Variants in KCNIP4 observed in about 807,000 individuals in gnomAD.
KCNIP4 encodes the protein potassium voltage-gated channel interacting protein 4.
KCNIP4 carries 12 observed loss-of-function variants against 34.0 expected under a neutral mutation model. The ratio of observed to expected loss-of-function variants is 0.35; its 90% CI spans 0.23 to 0.57. KCNIP4 has a LOEUF of 0.57. KCNIP4 is among the 20% of genes least tolerant of loss of function. KCNIP4 has a pLI of 0.83. For missense variants in KCNIP4, 238 were observed against 311.7 expected, an observed-to-expected ratio of 0.76 and a Z score of 1.78; for synonymous variants, 124 against 102.2, an observed-to-expected ratio of 1.21 and a Z score of -1.29.
intron 1 of KCNIP4, among the ~76,000 whole-genome samples, chr4:20,964,492 C>T (rs1734149263): frequency 1.3e-5 from 2 of 152,316 alleles, no homozygotes; most frequent in South Asian, 4.1e-4. Flanking sequence ...TGCACTTCAG[C>T]CTGAAGCTCA....
At chr4:21,706,629 T>G (rs184509732) in intron 1 of KCNIP4, among the ~76,000 whole-genome samples, 1 of 152,234 alleles carries the variant, frequency 6.6e-6, no homozygotes, top group Admixed American at 6.5e-5. Context: ...TGTGACTGAT[T>G]GATTAAGGGA....
chr4:21,228,239 A>G (rs1199754308), intron 1 of KCNIP4, among the ~76,000 whole-genome samples: 1 of 152,120 alleles, frequency 6.6e-6, no homozygotes, highest in African/African-American at 2.4e-5. Context: ...TGTTCTCATG[A>G]TAGTGAGTGA....
chr4:20,820,519 C>A (rs1021632024), intron 3 of KCNIP4, among the ~76,000 whole-genome samples: 4 of 152,134 alleles, frequency 2.6e-5, no homozygotes, highest in Admixed American at 1.3e-4. Context: ...GGAAAATTCC[C>A]AGCCTGGCCA....
In KCNIP4 at chr4:21,234,452, T is replaced by C. The variant is rs1405746052; in HGVS notation, c.62-351743A>G. Among the ~76,000 whole-genome samples, 28 of 130,598 alleles carry C rather than the reference T, an allele frequency of 2.1e-4. 4 individuals are homozygous for C. The highest frequency in any genetic ancestry group is 2.5e-4 in the African/African-American group (8 of 32,494). 85.7% of individuals were successfully genotyped at this position (130,598 alleles called of 152,430 possible). A position where few individuals can be genotyped will look rare whatever the true frequency, so the allele number is the denominator to read the frequency against. The stretch of plus-strand genomic sequence containing the variant: ...TACATATAACGTATATAATATATAT[T>C]ACATATAACGTATATAATATATAGT... On this transcript the variant is annotated intron_variant, in intron 1 of 8. Coordinates refer to ENST00000382152, the MANE Select transcript of KCNIP4 (RefSeq NM_025221.6).
intron 1 of KCNIP4, among the ~76,000 whole-genome samples, chr4:21,074,004 A>C (rs1167341434): frequency 6.6e-6 from 1 of 152,162 alleles, no homozygotes; most frequent in Non-Finnish European, 1.5e-5. Context: ...ATCATGGTGG[A>C]TAAGCTTTTT....
chr4:20,883,824 G>A (rs902466434), intron 1 of KCNIP4, among the ~76,000 whole-genome samples: 5 of 152,158 alleles, frequency 3.3e-5, no homozygotes, highest in African/African-American at 1.2e-4. Flanking sequence ...TGTAGAGTAG[G>A]ATGACAAAAT....
At chr4:21,143,375 C>T (rs1002049492) in intron 1 of KCNIP4, among the ~76,000 whole-genome samples, 6 of 152,046 alleles carry the variant, frequency 3.9e-5, no homozygotes, top group Non-Finnish European at 7.4e-5. Context: ...GGAGAGTGAC[C>T]ATTGACCAAT....
intron 1 of KCNIP4, among the ~76,000 whole-genome samples, chr4:21,320,637 GCCTGGCCCCAGTCTAGGT>G (rs1714275851): frequency 6.6e-6 from 1 of 152,102 alleles, no homozygotes; most frequent in African/African-American, 2.4e-5. Context: ...AGCTTTGCTT[GCCTGGCCCCAGTCTAGGT>G]CCTGTACATG....
intron 1 of KCNIP4, among the ~76,000 whole-genome samples, chr4:21,407,261 C>T (rs958100390): frequency 6.6e-6 from 1 of 151,864 alleles, no homozygotes; most frequent in Non-Finnish European, 1.5e-5. Flanking sequence ...GGCAGGCTCA[C>T]CTCATTCAAA....
chr4:20,825,962 C>T (rs1396577910), intron 3 of KCNIP4, among the ~76,000 whole-genome samples: 4 of 150,912 alleles, frequency 2.7e-5, no homozygotes, highest in African/African-American at 7.3e-5. Flanking sequence ...TAGATAAATA[C>T]TAAAAAGTTT....
chr4:21,328,072 C>T (rs1028894221), intron 1 of KCNIP4, among the ~76,000 whole-genome samples: 3 of 151,670 alleles, frequency 2.0e-5, no homozygotes, highest in Non-Finnish European at 4.4e-5. Flanking sequence ...TTATTTAGTT[C>T]GTTTAGTGAA....
At chr4:21,603,858 T>C (rs953091737) in intron 1 of KCNIP4, among the ~76,000 whole-genome samples, 1 of 152,192 alleles carries the variant, frequency 6.6e-6, no homozygotes, top group Non-Finnish European at 1.5e-5. Context: ...GATTTGCACA[T>C]TTAGGCAATT....
chr4:21,516,326 T>C (rs1350804615), intron 1 of KCNIP4, among the ~76,000 whole-genome samples: 3 of 152,184 alleles, frequency 2.0e-5, no homozygotes, highest in Non-Finnish European at 4.4e-5. Flanking sequence ...TCCAGCTCTA[T>C]TGAGTCATCT....
chr4:21,943,624 C>T (rs1410661014), intron 1 of KCNIP4, among the ~76,000 whole-genome samples: 1 of 152,104 alleles, frequency 6.6e-6, no homozygotes, highest in Non-Finnish European at 1.5e-5. Flanking sequence ...GTAGACCCAG[C>T]TGCGTCATGA....
chr4:21,381,444 T>TA (rs1721495790), intron 1 of KCNIP4, among the ~76,000 whole-genome samples: 1 of 152,166 alleles, frequency 6.6e-6, no homozygotes, highest in Non-Finnish European at 1.5e-5. Flanking sequence ...ACTCAACTTT[T>TA]AAAAATACTT....
chr4:20,835,755 C>T (rs1469191969), intron 3 of KCNIP4, among the ~76,000 whole-genome samples: 6 of 151,678 alleles, frequency 4.0e-5, no homozygotes, highest in Non-Finnish European at 8.8e-5. Flanking sequence ...TTCTTAACAC[C>T]CCCCAATCTC....
chr4:21,483,498 A>C (rs771321539), intron 1 of KCNIP4, among the ~76,000 whole-genome samples: 1 of 152,032 alleles, frequency 6.6e-6, no homozygotes, highest in Non-Finnish European at 1.5e-5. Context: ...TGGTTGTTTA[A>C]AAGTGTGTGG....
intron 1 of KCNIP4, among the ~76,000 whole-genome samples, chr4:21,304,384 C>T (rs1712194773): frequency 6.6e-6 from 1 of 152,170 alleles, no homozygotes; most frequent in East Asian, 1.9e-4. Context: ...TGAGGCCCGG[C>T]GCGGAGGAGA....
chr4:21,583,535 C>A (rs2109077464), intron 1 of KCNIP4, among the ~76,000 whole-genome samples: 1 of 151,926 alleles, frequency 6.6e-6, no homozygotes, highest in South Asian at 2.1e-4. Context: ...TAGTAAAATA[C>A]CAGGATTATA....
Sources: allele counts gnomAD v4.1 joint callset (sites outside exome capture counted in the v4.1 genomes callset), GRCh38; gene constraint gnomAD v4.1.1; transcripts MANE v1.5; gene names NCBI Gene and HGNC (gene_info 2026-07-23, HGNC 2026-07-21).